RBM19: variants seen among roughly 807,000 people sequenced by gnomAD.
The protein encoded by RBM19 is RNA binding motif protein 19.
RBM19 carries 94 observed loss-of-function variants against 116.8 expected under a neutral mutation model. The ratio of observed to expected loss-of-function variants is 0.80; its 90% CI spans 0.68 to 0.95. RBM19 has a LOEUF of 0.95. Ranked by LOEUF, RBM19 falls within the 40% of genes least tolerant of loss-of-function variation. The pLI, the probability that RBM19 is intolerant of heterozygous loss-of-function variation, is 0.00. For missense variants in RBM19, 1,161 were observed against 1,220.7 expected, an observed-to-expected ratio of 0.95 and a Z score of 0.73; for synonymous variants, 475 against 494.1, an observed-to-expected ratio of 0.96 and a Z score of 0.51.
chr12:113,836,965 C>T (rs1033435717), intron 23 of RBM19, among the ~76,000 whole-genome samples: 3 of 119,610 alleles, frequency 2.5e-5, no homozygotes, highest in Non-Finnish European at 4.9e-5. Context: ...GCTTATGTGT[C>T]AGGCATACCT....
intron 21 of RBM19, among the ~76,000 whole-genome samples, chr12:113,887,596 C>T (rs1291254359): frequency 1.6e-5 from 2 of 123,188 alleles, no homozygotes; most frequent in African/African-American, 6.3e-5. Flanking sequence ...GATCGCACCA[C>T]TGCACTCCAG....
chr12:113,890,961 A>G (rs1880924693), intron 21 of RBM19, among the ~76,000 whole-genome samples: 2 of 151,776 alleles, frequency 1.3e-5, no homozygotes, highest in African/African-American at 4.9e-5. Flanking sequence ...TGCCTGGCTA[A>G]TATTTCAATT....
intron 21 of RBM19, among the ~76,000 whole-genome samples, chr12:113,884,287 A>C (rs948497254): frequency 8.0e-6 from 1 of 125,486 alleles, no homozygotes; most frequent in African/African-American, 3.3e-5. Flanking sequence ...TATCTCAAAA[A>C]AAAAAAAGTA....
At chr12:113,963,793 A>G (rs1476482751) in intron 1 of RBM19, among the ~76,000 whole-genome samples, 1 of 152,236 alleles carries the variant, frequency 6.6e-6, no homozygotes, top group African/African-American at 2.4e-5. Flanking sequence ...CAATTCTTCA[A>G]GATCTGCCCT....
At chr12:113,852,597 C>T (rs1281277251) in intron 22 of RBM19, among the ~76,000 whole-genome samples, 1 of 152,232 alleles carries the variant, frequency 6.6e-6, no homozygotes, top group African/African-American at 2.4e-5. Flanking sequence ...GGCTGCAGCA[C>T]CTCTGATCCC....
At chr12:113,858,650 C>T (rs201195790) in intron 22 of RBM19, 141 bp downstream of exon 22, 3 of 729,682 alleles carry the variant, frequency 4.1e-6, no homozygotes, top group African/African-American at 1.8e-5. Flanking sequence ...ATGTTGTACA[C>T]ATTAAGCAGA....
intron 8 of RBM19, among the ~76,000 whole-genome samples, chr12:113,951,987 C>G (rs796521254): frequency 4.6e-5 from 7 of 152,226 alleles, no homozygotes; most frequent in Admixed American, 4.6e-4. Flanking sequence ...GAAGTAGGCA[C>G]GGACAGGTGC....
chr12:113,900,252 C>T (rs1416547600), intron 21 of RBM19, among the ~76,000 whole-genome samples: 1 of 152,204 alleles, frequency 6.6e-6, no homozygotes, highest in East Asian at 1.9e-4. Context: ...GAGGCTTCCA[C>T]GTGGCCGTGG....
At chr12:113,858,683 C>A in intron 22 of RBM19, 108 bp downstream of exon 22, 1 of 1,024,836 alleles carries the variant, frequency 9.8e-7, no homozygotes. Context: ...AAAAGAACAC[C>A]TGCATGGGGA....
Position 113,948,991 on chromosome 12 carries a change from G to C in RBM19, c.1118C>G (p.Thr373Ser). 6.2e-7 allele frequency: 1 copy of C among 1,614,164 alleles called. No homozygotes were observed. The highest frequency in any genetic ancestry group is 1.3e-5 in the African/African-American group (1 of 75,032). ...EVFREKNVPT[T>S]KGAPKNTTKS... Reference sequence around the variant, plus strand: ...GGTGGTATTCTTTGGTGCACCCTTGGTGGTGGGGACGTTCTTTTCCCTGAA... The same window carrying C: ...GGTGGTATTCTTTGGTGCACCCTTGCTGGTGGGGACGTTCTTTTCCCTGAA... Residue 373 changes from threonine (T) to serine (S), a missense_variant, in exon 10 of 24, where the codon ACC becomes AGC. Coordinates refer to ENST00000261741, the MANE Select transcript of RBM19 (RefSeq NM_016196.4).
chr12:113,937,412 C>T (rs1870167025), intron 15 of RBM19, among the ~76,000 whole-genome samples: 1 of 152,082 alleles, frequency 6.6e-6, no homozygotes, highest in South Asian at 2.1e-4. Context: ...TGTGTTTTTT[C>T]CAATCAGAGT....
Position 113,960,058 on chromosome 12 carries a change from C to T in RBM19, c.339+1G>A, listed in dbSNP as rs1872354901. 6.2e-7 allele frequency: 1 copy of T among 1,614,220 alleles called. No individual in the cohort carries two copies. Among genetic ancestry groups the T allele is most frequent in the Non-Finnish European group, 8.5e-7 (1 of 1,180,030 alleles). On this transcript the variant is annotated splice_donor_variant, in intron 3 of 23. Coordinates refer to ENST00000261741, the MANE Select transcript of RBM19 (RefSeq NM_016196.4). LOFTEE classifies it high-confidence loss of function. ...AGAGGCTAGAGTGACCCTTTACATA[C>T]TTTCTTAATTTCTGGAGTAGTAGAG...
At chr12:113,911,243 TC>T (rs1270398652) in intron 21 of RBM19, among the ~76,000 whole-genome samples, 1 of 152,192 alleles carries the variant, frequency 6.6e-6, no homozygotes, top group Non-Finnish European at 1.5e-5. Context: ...TTGTGTGTCT[TC>T]CACATTTCCT....
In RBM19 at chr12:113,948,930, T is replaced by C; in HGVS notation, c.1179A>G (p.Glu393=). 2 of 1,614,232 alleles carry C rather than the reference T, an allele frequency of 1.2e-6. No individual in the cohort carries two copies. The highest frequency in any genetic ancestry group is 1.7e-6 in the Non-Finnish European group (2 of 1,180,034). Residue 393 remains glutamate (E), a synonymous_variant, in exon 10 of 24, where the codon GAA becomes GAG. Coordinates refer to ENST00000261741, the MANE Select transcript of RBM19 (RefSeq NM_016196.4). ...CGGATTCGGCCAGGTCCTCCTCCTC[T>C]TCGTTCTCCCCGAGTATCCGGCCTT... is the stretch of plus-strand genomic sequence containing the variant. ...SWQGRILGEN[E]EEEDLAESGR...
At chr12:113,862,048 T>C (rs1056786291) in intron 21 of RBM19, among the ~76,000 whole-genome samples, 1 of 152,190 alleles carries the variant, frequency 6.6e-6, no homozygotes, top group African/African-American at 2.4e-5. Flanking sequence ...ATGAGAGAAC[T>C]GAAGCTTAAG....
chr12:113,853,356 C>T (rs946899760), intron 22 of RBM19, among the ~76,000 whole-genome samples: 3 of 152,240 alleles, frequency 2.0e-5, no homozygotes, highest in African/African-American at 7.2e-5. Flanking sequence ...TTTATTTAAG[C>T]CAACACATTG....
intron 21 of RBM19, among the ~76,000 whole-genome samples, chr12:113,909,838 G>A (rs533613582): frequency 2.0e-5 from 3 of 152,280 alleles, no homozygotes; most frequent in Non-Finnish European, 2.9e-5. Flanking sequence ...TAACAGCTAC[G>A]CTGGCTGGGA....
chr12:113,823,483 G>A (rs1475852815), intron 23 of RBM19, among the ~76,000 whole-genome samples, 162 bp from the exon 24 acceptor site: 1 of 152,086 alleles, frequency 6.6e-6, no homozygotes, highest in Admixed American at 6.5e-5. Flanking sequence ...AGGGAAGTTG[G>A]GGAGAGCGGA....
chr12:113,891,966 G>A (rs931681583), intron 21 of RBM19, among the ~76,000 whole-genome samples: 1 of 152,124 alleles, frequency 6.6e-6, no homozygotes, highest in Non-Finnish European at 1.5e-5. Context: ...CATTCTGCTT[G>A]TATGTGACAA....
Sources: gnomAD v4.1 joint callset for allele counts (sites outside exome capture counted in the v4.1 genomes callset) on GRCh38, gnomAD v4.1.1 for gene constraint, MANE v1.5 for transcripts, NCBI Gene and HGNC (gene_info 2026-07-23, HGNC 2026-07-21) for gene names.